The following NOM1 variants were observed in gnomAD, a reference collection of about 807,000 sequenced individuals.
The protein encoded by NOM1 is nucleolar MIF4G domain-containing protein 1.
A neutral mutation model predicts 73.3 loss-of-function variants in NOM1; 58 were observed. The observed-to-expected ratio is 0.79, with a 90% CI of 0.64 to 0.99. The LOEUF (loss-of-function observed/expected upper bound fraction) is 0.99, where lower values mean the gene tolerates loss of function less well. Ranked by LOEUF, NOM1 falls within the 50% of genes least tolerant of loss-of-function variation. The pLI, the probability that NOM1 is intolerant of heterozygous loss-of-function variation, is 0.00. For synonymous variants in NOM1, 487 were observed against 446.8 expected (o/e 1.09, Z -1.14); for missense variants, 1,226 against 1,131.9 (o/e 1.08, Z -1.19).
chr7:156,969,262 G>T, intron 10 of NOM1, 66 bp downstream of exon 10: 1 of 971,692 alleles, frequency 1.0e-6, no homozygotes, highest in Non-Finnish European at 1.7e-6. Flanking sequence ...CACTTGTGTT[G>T]ATTTACAAAC....
chr7:156,952,704 T>C, intron 2 of NOM1, 106 bp downstream of exon 2: 1 of 1,253,610 alleles, frequency 8.0e-7, no homozygotes. Flanking sequence ...GGACAGTCGA[T>C]TGGATCCTTT....
intron 1 of NOM1, among the ~76,000 whole-genome samples, chr7:156,951,271 G>A (rs1340546060): frequency 2.6e-5 from 4 of 152,174 alleles, no homozygotes; most frequent in African/African-American, 9.7e-5. Flanking sequence ...GGTGGCAGGC[G>A]CCTGTAATCC....
At chr7:156,963,844 C>A in intron 6 of NOM1, 61 bp from the exon 7 acceptor site, 2 of 1,570,290 alleles carry the variant, frequency 1.3e-6, no homozygotes, top group East Asian at 4.5e-5. Context: ...AGTTTGGCAC[C>A]TCTCGGGAGG....
At chr7:156,955,569 A>T (rs149159688) in intron 3 of NOM1, among the ~76,000 whole-genome samples, 1 of 152,288 alleles carries the variant, frequency 6.6e-6, no homozygotes, top group African/African-American at 2.4e-5. Context: ...AGCATCCCTA[A>T]AAGTCTAATT....
At chr7:156,959,404 A>ATTT (rs33936500) in intron 3 of NOM1, among the ~76,000 whole-genome samples, 1 of 150,136 alleles carries the variant, frequency 6.7e-6, no homozygotes, top group Admixed American at 6.6e-5. Context: ...CACCTGGCTA[A>ATTT]TTTTTTTTTG....
chr7:156,952,185 C>T (rs1169734360), intron 1 of NOM1, among the ~76,000 whole-genome samples: 1 of 152,082 alleles, frequency 6.6e-6, no homozygotes, highest in Non-Finnish European at 1.5e-5. Flanking sequence ...TGGAGTTGAG[C>T]AGATACCAGA....
At chr7:156,967,460 G>T (rs1418869623) in intron 9 of NOM1, among the ~76,000 whole-genome samples, 4 of 152,210 alleles carry the variant, frequency 2.6e-5, no homozygotes, top group Non-Finnish European at 4.4e-5. Context: ...GATGTAAGGT[G>T]TTTTAAAACT....
intron 3 of NOM1, 68 bp from the exon 4 acceptor site, chr7:156,959,783 C>G (rs1178759065): frequency 6.9e-7 from 1 of 1,439,746 alleles, no homozygotes; most frequent in Non-Finnish European, 9.6e-7. Flanking sequence ...AGTGCCAGTT[C>G]TGTGTGTTGA....
chr7:156,969,480 A>C, intron 10 of NOM1, 49 bp from the exon 11 acceptor site: 4 of 1,519,292 alleles, frequency 2.6e-6, no homozygotes, highest in Non-Finnish European at 3.6e-6. Context: ...ATTGAGATCT[A>C]GGAGAGGCCA....
At chr7:156,967,180 C>T (rs973419782) in intron 9 of NOM1, 88 bp downstream of exon 9, 8 of 1,448,592 alleles carry the variant, frequency 5.5e-6, no homozygotes, top group Non-Finnish European at 7.5e-6. Context: ...GTTTTACCAG[C>T]GTATTTTCTT....
chr7:156,962,233 A>G lies in NOM1; in HGVS notation c.1715A>G (p.Glu572Gly), dbSNP rs1804883837. 6.2e-7 allele frequency: 1 copy of G among 1,614,118 alleles called. No individual in the cohort carries two copies. Reference protein sequence around the residue: ...KIPGYDPEPVEKLRKLQRALV... With the variant: ...KIPGYDPEPVGKLRKLQRALV... ...CCAGGCTATGACCCCGAGCCCGTGG[A>G]GAAGCTGAGGAAACTGCAGAGAGCT... is the stretch of plus-strand genomic sequence containing the variant. Residue 572 changes from glutamate (E) to glycine (G), a missense_variant, in exon 5 of 11, where the codon GAG becomes GGG. Physicochemically the swap from Glu to Gly is moderately conservative, Grantham distance 98 (BLOSUM62 -2). Coordinates refer to ENST00000275820, the MANE Select transcript of NOM1 (RefSeq NM_138400.2).
rs1287648891 is a variant in NOM1, at chr7:156,962,237, G to T, written c.1719G>T (p.Lys573Asn). The change falls in exon 5 of 11, where the codon AAG becomes AAT. Residue 573 changes from lysine (K) to asparagine (N), a missense_variant. Lys to Asn is a moderately conservative substitution (Grantham distance 94, BLOSUM62 0). Transcript: ENST00000275820. The stretch of plus-strand genomic sequence containing the variant: ...GCTATGACCCCGAGCCCGTGGAGAA[G>T]CTGAGGAAACTGCAGAGAGCTTTGG... Reference protein sequence around the residue: ...IPGYDPEPVEKLRKLQRALVR... With the variant: ...IPGYDPEPVENLRKLQRALVR... The T allele has an allele frequency of 1.2e-6, 2 of 1,614,012 alleles. No homozygotes were observed. The highest frequency in any genetic ancestry group is 2.7e-5 in the African/African-American group (2 of 74,936).
At chr7:156,966,690 G>A (rs190028204) in intron 8 of NOM1, among the ~76,000 whole-genome samples, 31 of 152,330 alleles carry the variant, frequency 2.0e-4, no homozygotes, top group Admixed American at 1.0e-3. Flanking sequence ...GCACCAGTCT[G>A]TTCTGATGCC....
intron 3 of NOM1, among the ~76,000 whole-genome samples, chr7:156,954,871 C>G (rs1199520449): frequency 2.0e-5 from 3 of 152,228 alleles, no homozygotes; most frequent in Non-Finnish European, 4.4e-5. Context: ...ACATCTCAGA[C>G]GTGCCTTCAT....
chr7:156,964,819 C>A (rs10256184), intron 7 of NOM1, among the ~76,000 whole-genome samples: 115,506 of 151,918 alleles, frequency 0.76, 44,025 homozygotes, highest in Admixed American at 0.84. Context: ...TGCCGAAAAC[C>A]TCCCATCTCC....
Position 156,970,003 on chromosome 7 carries a change from TATGGCCGAGCGTG to T in NOM1, c.*306_*318del, listed in dbSNP as rs1280625735. On this transcript the variant is annotated 3_prime_UTR_variant, in exon 11 of 11. Coordinates refer to ENST00000275820, the MANE Select transcript of NOM1 (RefSeq NM_138400.2). ...GATTGTCTTAAAATTTTTTAATAGA[TATGGCCGAGCGTG>T]ATGGCTCACCCCTGTAATCCCAGCA... 1.1e-5 allele frequency: 2 copies of T among 179,532 alleles called. No individual in the cohort carries two copies. The highest frequency in any genetic ancestry group is 2.3e-5 in the Non-Finnish European group (2 of 85,728). 11.1% of individuals were successfully genotyped at this position (179,532 alleles called of 1,614,324 possible). A position where few individuals can be genotyped will look rare whatever the true frequency, so the allele number is the denominator to read the frequency against.
intron 4 of NOM1, 52 bp from the exon 5 acceptor site, chr7:156,962,099 C>T (rs1804878802): frequency 8.8e-6 from 13 of 1,473,072 alleles, no homozygotes; most frequent in Admixed American, 6.8e-5. Context: ...TTGAATGGGC[C>T]GTTTAGACTG....
Position 156,950,720 on chromosome 7 carries a change from A to T in NOM1, c.983A>T (p.Asp328Val), listed in dbSNP as rs1426239892. The T allele has an allele frequency of 6.4e-7, 1 of 1,551,112 alleles. No individual in the cohort carries two copies. The highest frequency in any genetic ancestry group is 2.0e-5 in the Admixed American group (1 of 50,970). ...TCCTCGGAGGACGGTGACATAACGGATAAGGTATCGTGTGAACACTCTCTA... is the reference window on the plus strand; with the variant it reads ...TCCTCGGAGGACGGTGACATAACGGTTAAGGTATCGTGTGAACACTCTCTA... ...ENSSEDGDIT[D>V]KSLCGSGEKY... is the part of the protein sequence containing the mutation. Residue 328 changes from aspartate (D) to valine (V), a missense_variant, in exon 1 of 11, where the codon GAT becomes GTT. Physicochemically the swap from Asp to Val is radical, Grantham distance 152 (BLOSUM62 -3). Coordinates refer to ENST00000275820, the MANE Select transcript of NOM1 (RefSeq NM_138400.2).
Position 156,960,131 on chromosome 7 carries a change from CCAAA to C in NOM1, c.1590_1593del (p.Lys531ProfsTer18), listed in dbSNP as rs773140914. On this transcript the variant is annotated frameshift_variant, in exon 4 of 11. Transcript: ENST00000275820. LOFTEE classifies it high-confidence loss of function. ...AAGGAATTGATCACTGAAGCCCAGACCAAAGCCAGCGGGGCAGGCAGCGAGTTTC... is the reference window on the plus strand; with the variant it reads ...AAGGAATTGATCACTGAAGCCCAGACGCCAGCGGGGCAGGCAGCGAGTTTC... 10 of 1,613,886 alleles carry C rather than the reference CCAAA, an allele frequency of 6.2e-6. No homozygotes were observed. Among genetic ancestry groups the C allele is most frequent in the Non-Finnish European group, 8.5e-6 (10 of 1,180,002 alleles).
Sources: allele counts gnomAD v4.1 joint callset (sites outside exome capture counted in the v4.1 genomes callset), GRCh38; gene constraint gnomAD v4.1.1; transcripts MANE v1.5; gene names NCBI Gene and HGNC (gene_info 2026-07-23, HGNC 2026-07-21).